The following C8orf34 variants were observed in gnomAD, a reference collection of about 807,000 sequenced individuals.
C8orf34 encodes the protein uncharacterized protein C8orf34.
C8orf34 carries 65 observed loss-of-function variants against 68.3 expected under a neutral mutation model. The ratio of observed to expected loss-of-function variants is 0.95; its 90% CI spans 0.78 to 1.17. C8orf34 has a LOEUF of 1.17. Among genes scored for constraint, C8orf34 ranks in the 50% most tolerant of loss-of-function variants. C8orf34 has a pLI of 0.00. For synonymous variants in C8orf34, 244 were observed against 241.2 expected, an observed-to-expected ratio of 1.01 and a Z score of -0.11; for missense variants, 664 against 655.4, an observed-to-expected ratio of 1.01 and a Z score of -0.14.
intron 8 of C8orf34, among the ~76,000 whole-genome samples, chr8:68,641,697 G>A (rs953587515): frequency 3.9e-5 from 6 of 152,182 alleles, no homozygotes; most frequent in Non-Finnish European, 8.8e-5. Context: ...GTAGAAGACT[G>A]GGATATGAGG....
At chr8:68,497,399 C>T (rs1298061091) in intron 5 of C8orf34, among the ~76,000 whole-genome samples, 2 of 152,206 alleles carry the variant, frequency 1.3e-5, no homozygotes, top group Non-Finnish European at 1.5e-5. Context: ...GACAATTTCA[C>T]ACATTGCTAG....
At chr8:68,368,935 C>T (rs1378041959) in intron 1 of C8orf34, among the ~76,000 whole-genome samples, 1 of 152,030 alleles carries the variant, frequency 6.6e-6, no homozygotes, top group Non-Finnish European at 1.5e-5. Context: ...TTGTTGTTAT[C>T]CCAGAAATAG....
At chr8:68,743,699 G>T (rs866167897) in intron 10 of C8orf34, among the ~76,000 whole-genome samples, 2 of 152,240 alleles carry the variant, frequency 1.3e-5, no homozygotes, top group African/African-American at 4.8e-5. Context: ...GGCACACCAG[G>T]AGATTAAAAC....
intron 1 of C8orf34, among the ~76,000 whole-genome samples, chr8:68,348,567 T>C (rs1806379228): frequency 6.6e-6 from 1 of 152,178 alleles, no homozygotes; most frequent in South Asian, 2.1e-4. Flanking sequence ...CTAGTCATTT[T>C]AATTATATTG....
chr8:68,481,127 G>T (rs1812840892), intron 4 of C8orf34, among the ~76,000 whole-genome samples: 1 of 151,446 alleles, frequency 6.6e-6, no homozygotes, highest in African/African-American at 2.4e-5. Flanking sequence ...TGCACGGGGT[G>T]CCCTGTGTCC....
At chr8:68,342,399 T>C (rs373438011) in intron 1 of C8orf34, among the ~76,000 whole-genome samples, 159 of 152,200 alleles carry the variant, frequency 1.0e-3, no homozygotes, top group African/African-American at 3.4e-3. Flanking sequence ...GATTAGAAGA[T>C]AAGTTACCGG....
intron 1 of C8orf34, among the ~76,000 whole-genome samples, chr8:68,400,468 T>C (rs1340779248): frequency 6.6e-6 from 1 of 152,198 alleles, no homozygotes. Flanking sequence ...TAGTGTATGT[T>C]CTTCTCAGCT....
At chr8:68,654,963 C>T (rs1312591520) in intron 8 of C8orf34, among the ~76,000 whole-genome samples, 1 of 152,030 alleles carries the variant, frequency 6.6e-6, no homozygotes, top group African/African-American at 2.4e-5. Flanking sequence ...AGCTATAATA[C>T]CTTTAGTGCA....
At chr8:68,767,693 G>A (rs891980469) in intron 10 of C8orf34, among the ~76,000 whole-genome samples, 6 of 152,112 alleles carry the variant, frequency 3.9e-5, no homozygotes, top group African/African-American at 1.4e-4. Context: ...GAGTGCAAGG[G>A]CACAATCATA....
chr8:68,621,414 A>T (rs890601225), intron 7 of C8orf34, among the ~76,000 whole-genome samples: 1 of 152,248 alleles, frequency 6.6e-6, no homozygotes, highest in Non-Finnish European at 1.5e-5. Context: ...ACACAGCATC[A>T]ATACAACATA....
At chr8:68,362,799 C>A (rs1473018624) in intron 1 of C8orf34, among the ~76,000 whole-genome samples, 47 of 149,834 alleles carry the variant, frequency 3.1e-4, no homozygotes, top group African/African-American at 9.4e-4. Context: ...GGGGAAAAAA[C>A]AGAACAGAAA....
rs771047163 is a variant in C8orf34 at position 68,789,520 on chromosome 8, T to TCAA, written c.1549+1986_1549+1988dup. 3.4e-4 allele frequency among the ~76,000 whole-genome samples: 52 copies of TCAA among 152,320 alleles called. 1 individual carries two copies. Among genetic ancestry groups the TCAA allele is most frequent in the Non-Finnish European group, 1.8e-4 (12 of 68,010 alleles). On this transcript the variant is annotated intron_variant, in intron 12 of 13. Transcript: ENST00000518698. ...GATATGCAAATCCCCAGAACTTTCT[T>TCAA]CAACCCTTGTCACCTAATACGCATT...
intron 12 of C8orf34, among the ~76,000 whole-genome samples, chr8:68,796,822 CTTTTTTT>C (rs372049123): frequency 5.7e-5 from 7 of 122,876 alleles, no homozygotes; most frequent in African/African-American, 9.1e-5. Context: ...TTGAGTTCTT[CTTTTTTT>C]TTTTTTTTTT....
chr8:68,555,317 A>G (rs1816217550), intron 7 of C8orf34, among the ~76,000 whole-genome samples: 1 of 152,152 alleles, frequency 6.6e-6, no homozygotes, highest in Non-Finnish European at 1.5e-5. Context: ...GGATTAAGAG[A>G]GTAAATATAT....
intron 7 of C8orf34, among the ~76,000 whole-genome samples, chr8:68,595,186 AC>A (rs1817508905): frequency 1.3e-5 from 2 of 150,676 alleles, no homozygotes; most frequent in Admixed American, 6.6e-5. Context: ...ACTGACACTT[AC>A]CCCCCAAATA....
intron 7 of C8orf34, among the ~76,000 whole-genome samples, chr8:68,636,876 A>G (rs911028701): frequency 1.3e-5 from 2 of 152,224 alleles, no homozygotes; most frequent in African/African-American, 4.8e-5. Context: ...AACAAAAACA[A>G]TTTAAGTCAA....
At chr8:68,367,643 A>G (rs1177575648) in intron 1 of C8orf34, among the ~76,000 whole-genome samples, 14 of 139,668 alleles carry the variant, frequency 1.0e-4, no homozygotes, top group Admixed American at 7.4e-4. Context: ...GTAAACTATC[A>G]CAAGAACAAA....
At chr8:68,476,909 C>CTGGT (rs1049208771) in intron 4 of C8orf34, among the ~76,000 whole-genome samples, 20 of 152,262 alleles carry the variant, frequency 1.3e-4, no homozygotes, top group African/African-American at 3.9e-4. Context: ...GTTTGTAAGG[C>CTGGT]TGGTCCTGTT....
chr8:68,701,212 G>A (rs1008134312), intron 8 of C8orf34, among the ~76,000 whole-genome samples: 11 of 151,996 alleles, frequency 7.2e-5, no homozygotes, highest in African/African-American at 2.7e-4. Context: ...CAAACAGCCT[G>A]TTCGATATCT....
Sources: allele counts gnomAD v4.1 joint callset (sites outside exome capture counted in the v4.1 genomes callset), GRCh38; gene constraint gnomAD v4.1.1; transcripts MANE v1.5; gene names NCBI Gene and HGNC (gene_info 2026-07-23, HGNC 2026-07-21).